The following PDE5A variants were observed in gnomAD, a reference collection of about 807,000 sequenced individuals.
The protein encoded by PDE5A is phosphodiesterase 5A.
A neutral mutation model predicts 110.2 loss-of-function variants in PDE5A; 67 were observed. That is an observed-to-expected ratio of 0.61 (90% CI 0.50 to 0.75). The LOEUF is 0.75. PDE5A is among the 30% of genes least tolerant of loss of function. PDE5A has a pLI of 0.00. For missense variants in PDE5A, 862 were observed against 1,045.1 expected (o/e 0.82, Z 2.42); for synonymous variants, 328 against 351.2 (o/e 0.93, Z 0.74).
rs754401945 is a variant in PDE5A at position 119,495,324 on chromosome 4, T to TG, written c.*3276dup. On this transcript the variant is annotated 3_prime_UTR_variant, in exon 21 of 21. Coordinates refer to ENST00000354960, the MANE Select transcript of PDE5A (RefSeq NM_001083.4). ...ACATGTGGCAGGACTCAATAAAAGG[T>TG]GGGTCAGTGTATTTCTGATACAAAA... 18 of 152,002 alleles carry TG rather than the reference T, an allele frequency of 1.2e-4. No homozygotes were observed. The highest frequency in any genetic ancestry group is 2.2e-4 in the Non-Finnish European group (15 of 68,014). The allele number at this position is 152,002 out of a possible 1,614,324, so 9.4% of individuals were successfully genotyped here. A position where few individuals can be genotyped will look rare whatever the true frequency, so the allele number is the denominator to read the frequency against.
chr4:119,529,285 CT>C (rs546233643), intron 11 of PDE5A, among the ~76,000 whole-genome samples: 45 of 152,206 alleles, frequency 3.0e-4, no homozygotes, highest in African/African-American at 1.0e-3. Flanking sequence ...AATTCTTTAA[CT>C]TTTTTTATGT....
At chr4:119,500,961 G>C (rs1250719896) in intron 20 of PDE5A, 7 of 526,196 alleles carry the variant, frequency 1.3e-5, no homozygotes, top group Non-Finnish European at 1.7e-5. Context: ...ATTTGTTGGA[G>C]ATTAGCACAT....
At chr4:119,559,351 C>A (rs999720136) in intron 7 of PDE5A, among the ~76,000 whole-genome samples, 5 of 152,154 alleles carry the variant, frequency 3.3e-5, no homozygotes, top group African/African-American at 1.2e-4. Context: ...ATATAATACA[C>A]AGGGATATGC....
intron 3 of PDE5A, among the ~76,000 whole-genome samples, chr4:119,580,293 T>C (rs1728544574): frequency 6.6e-6 from 1 of 152,198 alleles, no homozygotes; most frequent in East Asian, 1.9e-4. Flanking sequence ...AAGGGACTTT[T>C]TGCCTGCTTA....
intron 5 of PDE5A, among the ~76,000 whole-genome samples, chr4:119,564,172 T>C (rs1290880637): frequency 6.6e-6 from 1 of 151,940 alleles, no homozygotes. Flanking sequence ...ATATTTATAT[T>C]GTAGATAATA....
In PDE5A at chr4:119,553,714, T is replaced by C. The variant is rs200294136; in HGVS notation, c.1232A>G (p.Tyr411Cys). The C allele has an allele frequency of 6.3e-7, 1 of 1,588,644 alleles. No homozygotes were observed. The highest frequency in any genetic ancestry group is 8.6e-7 in the Non-Finnish European group (1 of 1,156,942). Residue 411 changes from tyrosine (Y) to cysteine (C), a missense_variant, in exon 8 of 21, where the codon TAT (tyrosine) becomes TGT (cysteine). Transcript: ENST00000354960. ...CATAGTATTTTTGACATACTGAGCA[T>C]ACATGTAATTGATTTTGTTTGCATC... ...EHDANKINYM[Y>C]AQYVKNTMEP...
intron 2 of PDE5A, among the ~76,000 whole-genome samples, chr4:119,605,260 C>T (rs974098952): frequency 6.6e-6 from 1 of 152,156 alleles, no homozygotes; most frequent in Non-Finnish European, 1.5e-5. Context: ...CTTCTAACTT[C>T]TCTTTACCTC....
intron 13 of PDE5A, 129 bp from the exon 14 acceptor site, chr4:119,519,268 A>C: frequency 1.5e-6 from 1 of 670,784 alleles, no homozygotes; most frequent in Non-Finnish European, 2.7e-6. Flanking sequence ...TATAGTCACA[A>C]AGGACTAACC....
In PDE5A at chr4:119,542,098, G is replaced by C. The variant is rs943872100; in HGVS notation, c.1572+361C>G. 1.7e-5 allele frequency: 3 copies of C among 176,182 alleles called. No individual in the cohort carries two copies. The East Asian group carries it at 4.5e-4, about 26-fold the overall frequency. The allele number at this position is 176,182 out of a possible 1,614,324, so 10.9% of individuals were successfully genotyped here. On this transcript the variant is annotated intron_variant, in intron 10 of 20. Transcript: ENST00000354960. ...TTATTTTTAATTTTTTTCCACAACT[G>C]TTCTCACGGAAAGATGGGGAGGCTC... is the stretch of plus-strand genomic sequence containing the variant.
intron 11 of PDE5A, among the ~76,000 whole-genome samples, chr4:119,530,507 T>C (rs1726491617): frequency 6.6e-6 from 1 of 152,150 alleles, no homozygotes; most frequent in Non-Finnish European, 1.5e-5. Context: ...ATCTGGATAA[T>C]GACATGTATC....
Position 119,627,249 on chromosome 4 carries a change from G to A in PDE5A, c.152+1271C>T, listed in dbSNP as rs560178804. 3.7e-6 allele frequency: 6 copies of A among 1,603,862 alleles called. No individual in the cohort carries two copies. In the East Asian group the frequency reaches 6.8e-5, roughly 18 times the overall value. The stretch of plus-strand genomic sequence containing the variant: ...GGAGGCTCCGTAGGGGCAACAACGC[G>A]CGCAGGTGAGGTGAGGTGAGGTCGG... On this transcript the variant is annotated intron_variant, in intron 1 of 20. Coordinates refer to ENST00000354960, the MANE Select transcript of PDE5A (RefSeq NM_001083.4). The surrounding 1 kb of genome is among the most constrained non-coding windows in gnomAD (Gnocchi z 4.6).
intron 9 of PDE5A, chr4:119,548,172 C>T (rs1727204057): frequency 1.3e-5 from 2 of 151,526 alleles, no homozygotes; most frequent in Non-Finnish European, 2.9e-5. Context: ...CCTCAGCCTC[C>T]CGAGTAGCTG....
intron 2 of PDE5A, among the ~76,000 whole-genome samples, chr4:119,605,664 T>A (rs925885396): frequency 1.3e-5 from 2 of 152,000 alleles, no homozygotes; most frequent in African/African-American, 4.8e-5. Flanking sequence ...AAAAGAAATT[T>A]TCTCTATCTT....
intron 7 of PDE5A, among the ~76,000 whole-genome samples, chr4:119,556,019 T>C (rs1727525246): frequency 6.6e-6 from 1 of 152,214 alleles, no homozygotes; most frequent in Admixed American, 6.5e-5. Flanking sequence ...CAAACTTACA[T>C]AGGTTAGTAA....
chr4:119,560,272 C>G, intron 7 of PDE5A, 24 bp downstream of exon 7: 2 of 1,378,514 alleles, frequency 1.5e-6, no homozygotes, highest in Non-Finnish European at 1.0e-6. Context: ...GTGATAAAGA[C>G]AAGTAGAGAA....
chr4:119,617,461 C>T (rs1022325903), intron 1 of PDE5A, among the ~76,000 whole-genome samples: 6 of 152,106 alleles, frequency 3.9e-5, no homozygotes, highest in Non-Finnish European at 5.9e-5. Flanking sequence ...TGCTCACTCA[C>T]ATTACAAAAT....
intron 18 of PDE5A, 109 bp downstream of exon 18, chr4:119,504,421 GTGTCTT>G: frequency 1.4e-6 from 1 of 720,362 alleles, no homozygotes; most frequent in South Asian, 1.8e-5. Context: ...GAACATATAA[GTGTCTT>G]TTTTATATAG....
intron 3 of PDE5A, among the ~76,000 whole-genome samples, chr4:119,585,437 T>G (rs1000537260): frequency 1.1e-4 from 17 of 152,202 alleles, no homozygotes; most frequent in Non-Finnish European, 2.1e-4. Context: ...TATAAACCTT[T>G]GTGTAAACCC....
chr4:119,523,497 G>A (rs1726201447), intron 12 of PDE5A, among the ~76,000 whole-genome samples: 1 of 151,928 alleles, frequency 6.6e-6, no homozygotes, highest in Admixed American at 6.6e-5. Flanking sequence ...CAAAACAGAA[G>A]AGGCACTAAG....
Sources: gnomAD v4.1 joint callset for allele counts (sites outside exome capture counted in the v4.1 genomes callset) on GRCh38, gnomAD v4.1.1 for gene constraint, Gnocchi (gnomAD v3.1) non-coding constraint, MANE v1.5 for transcripts, NCBI Gene and HGNC (gene_info 2026-07-23, HGNC 2026-07-21) for gene names.